Variants in ARHGAP6 observed in about 807,000 individuals in gnomAD.
ARHGAP6 encodes the protein rho GTPase-activating protein 6.
ARHGAP6 carries 16 observed loss-of-function variants against 55.7 expected under a neutral mutation model. That is an observed-to-expected ratio of 0.29 (90% CI 0.19 to 0.44). ARHGAP6 has a LOEUF of 0.44. ARHGAP6 is among the 20% of genes least tolerant of loss of function. The pLI, the probability that ARHGAP6 is intolerant of heterozygous loss-of-function variation, is 1.00. For synonymous variants in ARHGAP6, 382 were observed against 360.9 expected (o/e 1.06, Z -0.66); for missense variants, 698 against 808.9 (o/e 0.86, Z 1.66).
At chrX:11,403,571 T>C (rs2049576124) in intron 1 of ARHGAP6, among the ~76,000 whole-genome samples, 1 of 112,206 alleles carries the variant, frequency 8.9e-6, no homozygotes, top group Non-Finnish European at 1.9e-5. Context: ...AATGTGGCTA[T>C]TATAAAATTT....
At chrX:11,250,844 T>C (rs1369482976) in intron 2 of ARHGAP6, among the ~76,000 whole-genome samples, 1 of 111,677 alleles carries the variant, frequency 9.0e-6, no homozygotes, top group Admixed American at 9.5e-5. Flanking sequence ...ATTCACAAGT[T>C]CCAGGGATGT....
At chrX:11,392,420 G>A (rs2049418232) in intron 1 of ARHGAP6, among the ~76,000 whole-genome samples, 1 of 111,261 alleles carries the variant, frequency 9.0e-6, no homozygotes, top group African/African-American at 3.3e-5. Context: ...AACAATAAAT[G>A]GCCAGTGAGC....
intron 1 of ARHGAP6, among the ~76,000 whole-genome samples, chrX:11,593,123 C>G (rs1480580594): frequency 8.9e-6 from 1 of 112,211 alleles, no homozygotes; most frequent in African/African-American, 3.2e-5. Flanking sequence ...TCTGTCAACT[C>G]TGTACATACT....
intron 1 of ARHGAP6, among the ~76,000 whole-genome samples, chrX:11,552,601 GACACACACAC>G (rs769582716): frequency 8.3e-5 from 3 of 35,956 alleles, no homozygotes; most frequent in Non-Finnish European, 1.5e-4. Flanking sequence ...TATATATATA[GACACACACAC>G]ACACACACAC....
chrX:11,355,918 T>C (rs923937054), intron 1 of ARHGAP6, among the ~76,000 whole-genome samples: 2 of 111,173 alleles, frequency 1.8e-5, no homozygotes, highest in African/African-American at 6.6e-5. Flanking sequence ...AATTAATTAA[T>C]AAAGGCTCAA....
intron 9 of ARHGAP6, among the ~76,000 whole-genome samples, chrX:11,159,607 G>T (rs777655380): frequency 9.1e-6 from 1 of 110,460 alleles, no homozygotes; most frequent in Admixed American, 9.7e-5. Flanking sequence ...GAAGGTTGGG[G>T]GTCAAGTTTT....
chrX:11,402,120 T>C (rs1448779577), intron 1 of ARHGAP6, among the ~76,000 whole-genome samples: 1 of 111,850 alleles, frequency 8.9e-6, no homozygotes, highest in Non-Finnish European at 1.9e-5. Context: ...ATCCAATTAG[T>C]AGATACAAGA....
At chrX:11,453,837 G>A (rs763786314) in intron 1 of ARHGAP6, among the ~76,000 whole-genome samples, 1 of 112,131 alleles carries the variant, frequency 8.9e-6, no homozygotes, top group Admixed American at 9.5e-5. Context: ...AACATTTTAA[G>A]ATGCATTAAT....
At chrX:11,514,271 T>C (rs1190680420) in intron 1 of ARHGAP6, among the ~76,000 whole-genome samples, 1 of 105,912 alleles carries the variant, frequency 9.4e-6, no homozygotes, top group Non-Finnish European at 1.9e-5. Context: ...TCACCTAAAA[T>C]ACTTGCTTTT....
intron 1 of ARHGAP6, among the ~76,000 whole-genome samples, chrX:11,604,343 T>A (rs5978449): frequency 0.15 from 16,512 of 110,933 alleles, 989 homozygotes; most frequent in Middle Eastern, 0.23. Context: ...CCAAACACAT[T>A]CTGATGAATA....
At chrX:11,608,361 T>C (rs1030445480) in intron 1 of ARHGAP6, among the ~76,000 whole-genome samples, 6 of 112,044 alleles carry the variant, frequency 5.4e-5, no homozygotes, top group African/African-American at 9.7e-5. Context: ...TTATGGTACA[T>C]TGCACATTTT....
At chrX:11,501,043 T>C (rs915747259) in intron 1 of ARHGAP6, among the ~76,000 whole-genome samples, 2 of 112,240 alleles carry the variant, frequency 1.8e-5, no homozygotes, top group African/African-American at 6.5e-5. Flanking sequence ...ATAGTAAATA[T>C]GTTTGGCTTT....
intron 1 of ARHGAP6, among the ~76,000 whole-genome samples, chrX:11,385,638 T>C (rs2049319604): frequency 8.9e-6 from 1 of 111,827 alleles, no homozygotes; most frequent in Non-Finnish European, 1.9e-5. Context: ...ACTTAATGAT[T>C]TAAGTTTGCA....
intron 1 of ARHGAP6, among the ~76,000 whole-genome samples, chrX:11,508,761 A>C (rs747418686): frequency 9.4e-6 from 1 of 106,889 alleles, no homozygotes; most frequent in Admixed American, 1.0e-4. Flanking sequence ...CCTCAGCCCC[A>C]CCCCTTTCGA....
At chrX:11,323,987 C>T (rs1056336925) in intron 1 of ARHGAP6, among the ~76,000 whole-genome samples, 3 of 110,489 alleles carry the variant, frequency 2.7e-5, no homozygotes, top group Admixed American at 1.9e-4. Flanking sequence ...ATGCTCTAAT[C>T]GAAGAGGACC....
intron 1 of ARHGAP6, among the ~76,000 whole-genome samples, chrX:11,496,252 T>C (rs940383110): frequency 8.9e-6 from 1 of 112,809 alleles, no homozygotes. Context: ...AGATAAAAAA[T>C]GTTCTTACTA....
At chrX:11,443,087 C>T (rs1310109321) in intron 1 of ARHGAP6, among the ~76,000 whole-genome samples, 1 of 111,982 alleles carries the variant, frequency 8.9e-6, no homozygotes, top group Admixed American at 9.4e-5. Flanking sequence ...AGAGTCCTCT[C>T]CTGATCTCTA....
chrX:11,367,263 T>C (rs928569997), intron 1 of ARHGAP6, among the ~76,000 whole-genome samples: 1 of 111,880 alleles, frequency 8.9e-6, no homozygotes, highest in African/African-American at 3.3e-5. Context: ...AGAGATTTAG[T>C]TGCAAAAAAG....
intron 1 of ARHGAP6, among the ~76,000 whole-genome samples, chrX:11,255,957 A>T (rs5934987): frequency 0.021 from 2,343 of 112,464 alleles, 25 homozygotes; most frequent in Middle Eastern, 0.06. Context: ...ATGCTGCAAC[A>T]GATTTGAGGA....
Sources: gnomAD v4.1 joint callset for allele counts (sites outside exome capture counted in the v4.1 genomes callset) on GRCh38, gnomAD v4.1.1 for gene constraint, MANE v1.5 for transcripts, NCBI Gene and HGNC (gene_info 2026-07-23, HGNC 2026-07-21) for gene names.